Variants in PRKD1 observed in about 807,000 individuals in gnomAD.
PRKD1 encodes serine/threonine-protein kinase D1.
A neutral mutation model predicts 95.9 loss-of-function variants in PRKD1; 63 were observed. That is an observed-to-expected ratio of 0.66 (90% CI 0.54 to 0.81). The LOEUF (loss-of-function observed/expected upper bound fraction) is 0.81. Among genes scored for constraint, PRKD1 ranks in the 30% least tolerant of loss-of-function variants. The pLI, the probability that PRKD1 is intolerant of heterozygous loss-of-function variation, is 0.00. For synonymous variants in PRKD1, 425 were observed against 423.1 expected (o/e 1.00, Z -0.05); for missense variants, 1,048 against 1,165.3 (o/e 0.90, Z 1.47).
intron 2 of PRKD1, among the ~76,000 whole-genome samples, chr14:29,700,554 G>A (rs1347352503): frequency 6.6e-6 from 1 of 152,088 alleles, no homozygotes; most frequent in Non-Finnish European, 1.5e-5. Flanking sequence ...TTAAATTCAG[G>A]TTCAACTTTT....
intron 1 of PRKD1, among the ~76,000 whole-genome samples, chr14:29,772,896 A>G (rs186294707): frequency 2.8e-3 from 425 of 152,318 alleles, no homozygotes; most frequent in Admixed American, 8.9e-3. Context: ...TCTTCATAAA[A>G]TTTTATTCCA....
intron 1 of PRKD1, among the ~76,000 whole-genome samples, chr14:29,752,655 AT>A (rs1317944947): frequency 1.3e-5 from 2 of 151,906 alleles, no homozygotes; most frequent in Non-Finnish European, 2.9e-5. Context: ...TGCAAAATTC[AT>A]TTTTAAGAAC....
intron 1 of PRKD1, among the ~76,000 whole-genome samples, chr14:29,811,290 C>A (rs534061778): frequency 6.6e-6 from 1 of 152,136 alleles, no homozygotes; most frequent in Non-Finnish European, 1.5e-5. Context: ...CCCCCACATG[C>A]GCACCCACAG....
chr14:29,885,860 A>G (rs8010898), intron 1 of PRKD1, among the ~76,000 whole-genome samples: 73,545 of 149,468 alleles, frequency 0.49, 21,083 homozygotes, highest in African/African-American at 0.8. Flanking sequence ...GCACCTACTC[A>G]GGAAGCTGAG....
At chr14:29,842,111 T>C (rs995262718) in intron 1 of PRKD1, among the ~76,000 whole-genome samples, 2 of 152,192 alleles carry the variant, frequency 1.3e-5, no homozygotes, top group Middle Eastern at 3.2e-3. Context: ...ATAACATGCA[T>C]GGAGATGTCA....
intron 16 of PRKD1, 101 bp from the exon 17 acceptor site, chr14:29,578,461 G>T (rs1411177736): frequency 1.4e-5 from 8 of 581,190 alleles, no homozygotes; most frequent in Non-Finnish European, 1.9e-5. Context: ...GTTAAATGCA[G>T]CATAGTGACA....
chr14:29,785,164 G>A (rs903289677), intron 1 of PRKD1, among the ~76,000 whole-genome samples: 1 of 152,110 alleles, frequency 6.6e-6, no homozygotes, highest in Non-Finnish European at 1.5e-5. Context: ...TACAGGCCCT[G>A]TGAGGCATAA....
chr14:29,756,219 A>C (rs1378353160), intron 1 of PRKD1, among the ~76,000 whole-genome samples: 3 of 152,154 alleles, frequency 2.0e-5, no homozygotes, highest in Non-Finnish European at 4.4e-5. Flanking sequence ...AAGTGACACA[A>C]ACTGAATTTT....
At chr14:29,683,188 G>A (rs1015128037) in intron 2 of PRKD1, among the ~76,000 whole-genome samples, 1 of 152,084 alleles carries the variant, frequency 6.6e-6, no homozygotes, top group Admixed American at 6.5e-5. Flanking sequence ...GAGTTATAGG[G>A]TTACCATATG....
intron 1 of PRKD1, among the ~76,000 whole-genome samples, chr14:29,903,089 T>C (rs1391915630): frequency 6.6e-6 from 1 of 152,178 alleles, no homozygotes; most frequent in Admixed American, 6.5e-5. Flanking sequence ...CACTTCACGC[T>C]GTCAATAAGA....
intron 1 of PRKD1, among the ~76,000 whole-genome samples, chr14:29,801,407 C>T (rs370629455): frequency 6.6e-6 from 1 of 152,284 alleles, no homozygotes; most frequent in East Asian, 1.9e-4. Context: ...CTAGCCATCA[C>T]AGTACCTTAA....
chr14:29,814,686 T>G (rs750189285), intron 1 of PRKD1, among the ~76,000 whole-genome samples: 1 of 152,164 alleles, frequency 6.6e-6, no homozygotes, highest in African/African-American at 2.4e-5. Flanking sequence ...GCTTGCCCTG[T>G]CTCCATGATT....
intron 2 of PRKD1, among the ~76,000 whole-genome samples, chr14:29,722,372 A>G (rs1885940686): frequency 6.6e-6 from 1 of 152,062 alleles, no homozygotes; most frequent in East Asian, 1.9e-4. Flanking sequence ...TGCTGCTATC[A>G]CTCGCCTTGC....
intron 2 of PRKD1, among the ~76,000 whole-genome samples, chr14:29,668,804 A>G (rs1882674548): frequency 6.6e-6 from 1 of 152,226 alleles, no homozygotes; most frequent in Admixed American, 6.5e-5. Flanking sequence ...CTTGCTGGCT[A>G]TGACAAGTTG....
intron 2 of PRKD1, among the ~76,000 whole-genome samples, chr14:29,700,453 G>T (rs909101668): frequency 2.6e-5 from 4 of 152,112 alleles, no homozygotes; most frequent in African/African-American, 9.7e-5. Flanking sequence ...CGTAGAAGAA[G>T]CCTAATCACT....
intron 2 of PRKD1, among the ~76,000 whole-genome samples, chr14:29,671,692 G>A (rs560115652): frequency 7.9e-5 from 12 of 152,000 alleles, no homozygotes; most frequent in Admixed American, 5.2e-4. Context: ...TTTTCAATAG[G>A]CCCAAATGAA....
At chr14:29,704,979 T>A (rs7140500) in intron 2 of PRKD1, among the ~76,000 whole-genome samples, 78,955 of 151,916 alleles carry the variant, frequency 0.52, 23,094 homozygotes, top group African/African-American at 0.8. Flanking sequence ...TCCATCAAAA[T>A]TACCACTGCA....
At position 29,624,177 on chromosome 14, in the gene PRKD1, A is replaced by G. The variant is rs1478411972; in HGVS notation, c.1880T>C (p.Leu627Pro). ...LRFPTKQESQ[L>P]RNEVAILQNL... ...CTGTAGAATTGCAACCTCATTACGA[A>G]GCTGGCTTTCTTGTTTTGTTGGAAA... The change falls in exon 13 of 18, where the codon CTT (leucine) becomes CCT (proline). Residue 627 changes from leucine (L) to proline (P), a missense_variant. By Grantham distance (98) the Leu-to-Pro change is moderately conservative. Around this residue, in one of 3 missense-constraint regions of PRKD1, gnomAD observed 739 missense variants for 861.9 expected, o/e 0.86. Coordinates refer to ENST00000331968, the MANE Select transcript of PRKD1 (RefSeq NM_002742.3). 1 of 1,605,468 alleles carries G rather than the reference A, an allele frequency of 6.2e-7. No individual in the cohort carries two copies. The highest frequency in any genetic ancestry group is 8.5e-7 in the Non-Finnish European group (1 of 1,175,528).
At chr14:29,761,862 C>T (rs1375165049) in intron 1 of PRKD1, among the ~76,000 whole-genome samples, 2 of 148,936 alleles carry the variant, frequency 1.3e-5, no homozygotes, top group South Asian at 4.2e-4. Context: ...AGCTCACTGT[C>T]ACCTCAAACT....
Sources: allele counts gnomAD v4.1 joint callset (sites outside exome capture counted in the v4.1 genomes callset), GRCh38; gene constraint gnomAD v4.1.1; regional missense constraint gnomAD v4.1.1; transcripts MANE v1.5; gene names NCBI Gene and HGNC (gene_info 2026-07-23, HGNC 2026-07-21).